Variants in ZNF221 observed in about 807,000 individuals in gnomAD.
ZNF221 encodes the protein zinc finger protein 221.
Under a neutral mutation model 12.6 loss-of-function variants are expected in ZNF221, and 10 were observed. That is an observed-to-expected ratio of 0.79 (90% CI 0.49 to 1.34). ZNF221 has a LOEUF of 1.34. Ranked by LOEUF, ZNF221 falls within the 40% of genes most tolerant of loss-of-function variation. The pLI is 0.00. For synonymous variants in ZNF221, 232 were observed against 244.0 expected (o/e 0.95, Z 0.46); for missense variants, 661 against 721.4 (o/e 0.92, Z 0.96).
rs533062889 is a variant in ZNF221, at chr19:43,962,833, G to A, written c.81+26G>A. ...GTGAGTAGGGCTTGCCTCTCTTGCT[G>A]TTAAAATTCCATCTTACTACTCATA... On this transcript the variant is annotated intron_variant, in intron 2 of 4. Transcript: ENST00000587682. The A allele has an allele frequency of 2.4e-5, 38 of 1,597,134 alleles. No homozygotes were observed. The South Asian group carries it at 4.0e-4, about 17-fold the overall frequency.
chr19:43,980,072 T>C, the ZNF221 span, among the ~76,000 whole-genome samples: 1 of 152,234 alleles, frequency 6.6e-6, no homozygotes, highest in African/African-American at 2.4e-5. Flanking sequence ...GTTGCTCTGA[T>C]TTGTGCTTCA....
At position 43,965,191 on chromosome 19, in the gene ZNF221, C is replaced by T. The variant is rs190601331; in HGVS notation, c.209-42C>T. 1.3e-4 allele frequency: 200 copies of T among 1,595,978 alleles called. 2 individuals are homozygous for T. The African/African-American group carries it at 2.3e-3, about 18-fold the overall frequency. On this transcript the variant is annotated intron_variant, in intron 3 of 4. Transcript: ENST00000587682. ...CCAGTAAATTTTCCCTAGATATTAC[C>T]TACAATGGGTTGGAATTAAGCATGT...
At chr19:43,959,322 A>T (rs965621934) in intron 1 of ZNF221, among the ~76,000 whole-genome samples, 1 of 152,080 alleles carries the variant, frequency 6.6e-6, no homozygotes, top group Non-Finnish European at 1.5e-5. Flanking sequence ...GTCCTGGTAT[A>T]TTTTTTCCCT....
chr19:43,956,604 T>C (rs1974759110), intron 1 of ZNF221, among the ~76,000 whole-genome samples: 1 of 152,184 alleles, frequency 6.6e-6, no homozygotes, highest in Non-Finnish European at 1.5e-5. Context: ...TCTACTTGAC[T>C]ACTGCCCCCA....
chr19:43,974,775 T>C, the ZNF221 span, among the ~76,000 whole-genome samples: 1 of 152,044 alleles, frequency 6.6e-6, no homozygotes, highest in Non-Finnish European at 1.5e-5. Context: ...TCCCAAACCT[T>C]TGGGAGGCTG....
chr19:43,964,271 G>A (rs906901619), intron 2 of ZNF221, among the ~76,000 whole-genome samples: 3 of 151,954 alleles, frequency 2.0e-5, no homozygotes, highest in Non-Finnish European at 2.9e-5. Context: ...TTGAAAAAAC[G>A]ATACCAGGTG....
chr19:43,964,717 A>G (rs1041459702), intron 2 of ZNF221, among the ~76,000 whole-genome samples: 13 of 152,230 alleles, frequency 8.5e-5, no homozygotes, highest in Non-Finnish European at 1.3e-4. Flanking sequence ...TGACTGCACA[A>G]AGTAAAAGTA....
At position 43,966,072 on chromosome 19, in the gene ZNF221, A is replaced by T. The variant is rs760415786; in HGVS notation, c.570A>T (p.Gln190His). The T allele has an allele frequency of 1.9e-6, 3 of 1,614,250 alleles. No homozygotes were observed. The highest frequency in any genetic ancestry group is 2.5e-6 in the Non-Finnish European group (3 of 1,180,042). Reference sequence around the variant, plus strand: ...TTTCTGTCTTTGATCTTCATCAACAATCACACTCAGGAGAGAAATCTCATA... The same window carrying T: ...TTTCTGTCTTTGATCTTCATCAACATTCACACTCAGGAGAGAAATCTCATA... The part of the protein sequence containing the change: ...SDVSVFDLHQ[Q>H]SHSGEKSHTC... The change falls in exon 5 of 5, where the codon CAA becomes CAT. Residue 190 changes from glutamine (Q) to histidine (H), a missense_variant. Gln to His is a conservative substitution (Grantham distance 24). Transcript: ENST00000587682.
intron 2 of ZNF221, among the ~76,000 whole-genome samples, chr19:43,963,008 GT>G (rs1228275252): frequency 6.6e-6 from 1 of 152,154 alleles, no homozygotes; most frequent in African/African-American, 2.4e-5. Flanking sequence ...CTTTTCTGTA[GT>G]AGATAAAATA....
At chr19:43,957,303 TCC>T (rs1974773220) in intron 1 of ZNF221, among the ~76,000 whole-genome samples, 1 of 152,020 alleles carries the variant, frequency 6.6e-6, no homozygotes, top group Non-Finnish European at 1.5e-5. Context: ...GCCTCAGCCT[TCC>T]AAGTAGCTGG....
intron 1 of ZNF221, among the ~76,000 whole-genome samples, chr19:43,959,536 A>T (rs1478105689): frequency 6.6e-6 from 1 of 152,212 alleles, no homozygotes; most frequent in Non-Finnish European, 1.5e-5. Flanking sequence ...GCTTAGTGCT[A>T]TCCCCTTGGT....
chr19:43,959,301 TA>T (rs1437612030), intron 1 of ZNF221, among the ~76,000 whole-genome samples: 1 of 152,240 alleles, frequency 6.6e-6, no homozygotes, highest in African/African-American at 2.4e-5. Context: ...GTCTTAGAGG[TA>T]CTTACTGTTG....
Position 43,966,906 on chromosome 19 carries a change from C to CCTT in ZNF221, c.1405_1406insTTC (p.His468_Gln469insLeu). 1 of 1,614,174 alleles carries CCTT rather than the reference C, an allele frequency of 6.2e-7. No homozygotes were observed. Among genetic ancestry groups the CCTT allele is most frequent in the Non-Finnish European group, 8.5e-7 (1 of 1,180,038 alleles). On this transcript the variant is annotated inframe_insertion, in exon 5 of 5. Coordinates refer to ENST00000587682, the MANE Select transcript of ZNF221 (RefSeq NM_001297588.2). Reference sequence around the variant, plus strand: ...AAAGGAGGTTGGATCTTGAGTTTCACCAGAGGGTCCACACGGGTGAGAGAC... The same window carrying CCTT: ...AAAGGAGGTTGGATCTTGAGTTTCACCTTCAGAGGGTCCACACGGGTGAGAGAC...
At chr19:43,952,560 G>T (rs903172015) in intron 1 of ZNF221, among the ~76,000 whole-genome samples, 1 of 152,192 alleles carries the variant, frequency 6.6e-6, no homozygotes, top group Non-Finnish European at 1.5e-5. Flanking sequence ...TTAAAGATGA[G>T]AGTGAAACAA....
chr19:43,956,497 C>G (rs1599813316), intron 1 of ZNF221, among the ~76,000 whole-genome samples: 2 of 149,312 alleles, frequency 1.3e-5, no homozygotes, highest in Admixed American at 6.7e-5. Flanking sequence ...AACACTCCCC[C>G]CAGCCATTTT....
rs138314572 is a variant in ZNF221 at position 43,966,665 on chromosome 19, A to C, written c.1163A>C (p.His388Pro). 6.2e-7 allele frequency: 1 copy of C among 1,614,258 alleles called. No homozygotes were observed. The highest frequency in any genetic ancestry group is 1.1e-5 in the South Asian group (1 of 91,086). Residue 388 changes from histidine to proline, a missense_variant, in exon 5 of 5, where the codon CAC (histidine) becomes CCC (proline). By Grantham distance (77) the His-to-Pro change is moderately conservative. Transcript: ENST00000587682. The part of the protein sequence containing the change: ...RRDFCKHQMV[H>P]TGEKPYNCKE... ...GATTTTTGTAAGCATCAGATGGTCC[A>C]CACAGGAGAGAAACCATATAATTGT...
At chr19:43,972,342 TAAC>T (rs1975114281), downstream of ZNF221, among the ~76,000 whole-genome samples, 1 of 151,788 alleles carries the variant, frequency 6.6e-6, no homozygotes, top group Non-Finnish European at 1.5e-5. Context: ...GATCTCAAGT[TAAC>T]AACATCACAA....
At chr19:43,979,422 C>CATACATATATATATATATATATATATAT in the ZNF221 span, among the ~76,000 whole-genome samples, 1 of 138,536 alleles carries the variant, frequency 7.2e-6, no homozygotes, top group African/African-American at 2.7e-5. Flanking sequence ...AACAGTAATA[C>CATACATATATATATATATATATATATAT]ATATATATAT....
Position 43,966,269 on chromosome 19 carries a change from G to A in ZNF221, c.767G>A (p.Cys256Tyr), listed in dbSNP as rs779677778. ...CATACTGGAGAGAAACCATTCAAAT[G>A]TGGGCAATGTGGGAAAGGCTTCCAT... ...RVHTGEKPFK[C>Y]GQCGKGFHSR... The change falls in exon 5 of 5, where the codon TGT becomes TAT. Residue 256 changes from cysteine to tyrosine, a missense_variant. By Grantham distance (194) the Cys-to-Tyr change is radical. Coordinates refer to ENST00000587682, the MANE Select transcript of ZNF221 (RefSeq NM_001297588.2). 9 of 1,614,048 alleles carry A rather than the reference G, an allele frequency of 5.6e-6. No homozygotes were observed. Among genetic ancestry groups the A allele is most frequent in the South Asian group, 2.2e-5 (2 of 91,070 alleles).
Sources: allele counts gnomAD v4.1 joint callset (sites outside exome capture counted in the v4.1 genomes callset), GRCh38; gene constraint gnomAD v4.1.1; transcripts MANE v1.5; gene names NCBI Gene and HGNC (gene_info 2026-07-23, HGNC 2026-07-21).